The following ASTN2 variants were observed in gnomAD, a reference collection of about 807,000 sequenced individuals.
ASTN2 encodes astrotactin-2.
A neutral mutation model predicts 139.8 loss-of-function variants in ASTN2; 54 were observed. The ratio of observed to expected loss-of-function variants is 0.39; its 90% confidence interval spans 0.31 to 0.48. The LOEUF is 0.48. ASTN2 is among the 20% of genes least tolerant of loss of function. ASTN2 has a pLI of 0.95. For missense variants in ASTN2, 1,565 were observed against 1,725.1 expected, an observed-to-expected ratio of 0.91 and a Z score of 1.64; for synonymous variants, 756 against 719.5, an observed-to-expected ratio of 1.05 and a Z score of -0.81.
In ASTN2 at chr9:116,715,079, C is replaced by CA. The variant is rs1171387504; in HGVS notation, c.2806+10691dup. Among the ~76,000 whole-genome samples, 2 of 114,896 alleles carry CA rather than the reference C, an allele frequency of 1.7e-5. 1 individual carries two copies. Among genetic ancestry groups the CA allele is most frequent in the African/African-American group, 6.3e-5 (2 of 31,680 alleles). 75.4% of individuals were successfully genotyped at this position (114,896 alleles called of 152,430 possible). A position where few individuals can be genotyped will look rare whatever the true frequency, so the allele number is the denominator to read the frequency against. ...TGGGCGACAGAGCGAGACTCCGTCT[C>CA]AAAAAAAAAAAAAAAAAAAAAAAAA... is the stretch of plus-strand genomic sequence containing the variant. On this transcript the variant is annotated intron_variant, in intron 16 of 22. Transcript: ENST00000313400.
chr9:116,637,970 G>A (rs1170694939), intron 17 of ASTN2, among the ~76,000 whole-genome samples: 1 of 152,138 alleles, frequency 6.6e-6, no homozygotes, highest in Non-Finnish European at 1.5e-5. Flanking sequence ...AAAGAAGGAT[G>A]TTCTAGTAGT....
At chr9:117,350,970 T>C (rs1204948741) in intron 1 of ASTN2, among the ~76,000 whole-genome samples, 1 of 152,022 alleles carries the variant, frequency 6.6e-6, no homozygotes, top group Non-Finnish European at 1.5e-5. Context: ...TGTTGCATGG[T>C]GGATAGGTGA....
chr9:116,466,980 C>T (rs775498876), intron 20 of ASTN2, among the ~76,000 whole-genome samples: 1 of 152,090 alleles, frequency 6.6e-6, no homozygotes. Context: ...ACTATTTCTG[C>T]AGTTCTCAAT....
At chr9:116,774,857 C>T (rs1830039913) in intron 13 of ASTN2, among the ~76,000 whole-genome samples, 1 of 152,162 alleles carries the variant, frequency 6.6e-6, no homozygotes, top group Admixed American at 6.6e-5. Flanking sequence ...ACACCCTCTA[C>T]CCAGCCTCCA....
At chr9:116,509,023 C>A (rs1375198514) in intron 19 of ASTN2, among the ~76,000 whole-genome samples, 1 of 151,984 alleles carries the variant, frequency 6.6e-6, no homozygotes, top group Non-Finnish European at 1.5e-5. Flanking sequence ...ATATTTTTAA[C>A]TATAATTTAA....
In ASTN2 at chr9:116,703,010, G is replaced by A. The variant is rs545228763; in HGVS notation, c.2806+22761C>T. On this transcript the variant is annotated intron_variant, in intron 16 of 22. Transcript: ENST00000313400. ...ATGGCCTCTTAAAAGTGCAGTGTTG[G>A]GTCAAATGGTATTTCTAGTTCTAGA... 7.9e-5 allele frequency among the ~76,000 whole-genome samples: 12 copies of A among 152,152 alleles called. No individual in the cohort carries two copies. In the South Asian group the frequency reaches 2.5e-3, roughly 32 times the overall value.
At chr9:116,680,251 C>T (rs1170905604) in intron 16 of ASTN2, among the ~76,000 whole-genome samples, 13 of 152,100 alleles carry the variant, frequency 8.5e-5, no homozygotes, top group South Asian at 2.1e-4. Context: ...AACACCTCTA[C>T]GCAAATAAAC....
chr9:117,025,312 T>G (rs1179290806), intron 6 of ASTN2, among the ~76,000 whole-genome samples: 1 of 152,164 alleles, frequency 6.6e-6, no homozygotes, highest in Non-Finnish European at 1.5e-5. Flanking sequence ...AACTAGCTAC[T>G]TGGCAATATG....
intron 19 of ASTN2, among the ~76,000 whole-genome samples, chr9:116,511,626 C>G (rs1850385748): frequency 6.6e-6 from 1 of 152,136 alleles, no homozygotes; most frequent in Admixed American, 6.5e-5. Flanking sequence ...GTGAATCCGT[C>G]AGGTACTGGA....
chr9:116,586,812 T>TCACACACA lies in ASTN2; in HGVS notation c.3355+31504_3355+31511dup, dbSNP rs141414264. On this transcript the variant is annotated intron_variant, in intron 19 of 22. Coordinates refer to ENST00000313400, the MANE Select transcript of ASTN2 (RefSeq NM_001365068.1). ...AAAAATCTAAAATACCAGTTGAAAT[T>TCACACACA]CACACACACACACATACATACACAC... Among the ~76,000 whole-genome samples the TCACACACA allele has an allele frequency of 1.1e-3, 91 of 79,954 alleles. 1 individual carries two copies. Among genetic ancestry groups the TCACACACA allele is most frequent in the East Asian group, 5.3e-3 (11 of 2,076 alleles). The allele number at this position is 79,954 out of a possible 152,430, so 52.5% of individuals were successfully genotyped here. A position where few individuals can be genotyped will look rare whatever the true frequency, so the allele number is the denominator to read the frequency against.
chr9:116,851,574 A>T (rs1832609308), intron 11 of ASTN2, among the ~76,000 whole-genome samples: 1 of 152,072 alleles, frequency 6.6e-6, no homozygotes, highest in South Asian at 2.1e-4. Context: ...TGTTAGTAGT[A>T]GCTATTTGGA....
chr9:116,989,203 A>G (rs1836772620), intron 7 of ASTN2, among the ~76,000 whole-genome samples: 1 of 152,174 alleles, frequency 6.6e-6, no homozygotes, highest in South Asian at 2.1e-4. Context: ...CAATTATAGC[A>G]AAAATACTAA....
At chr9:117,144,616 G>A (rs1408728081) in intron 3 of ASTN2, among the ~76,000 whole-genome samples, 1 of 148,454 alleles carries the variant, frequency 6.7e-6, no homozygotes, top group Non-Finnish European at 1.5e-5. Context: ...CTCAGTAAGA[G>A]GAGGAACACT....
chr9:117,308,001 T>G (rs1156948832), intron 1 of ASTN2, among the ~76,000 whole-genome samples: 1 of 152,170 alleles, frequency 6.6e-6, no homozygotes, highest in African/African-American at 2.4e-5. Context: ...CCTTTCTGAT[T>G]TTGTTATGGG....
intron 22 of ASTN2, chr9:116,437,461 G>C: frequency 4.2e-6 from 2 of 471,378 alleles, no homozygotes; most frequent in Middle Eastern, 3.2e-4. Context: ...GACAGTGGCT[G>C]GTGACTGCCT....
intron 3 of ASTN2, among the ~76,000 whole-genome samples, chr9:117,179,987 G>A (rs1486459611): frequency 6.6e-6 from 1 of 152,044 alleles, no homozygotes; most frequent in Non-Finnish European, 1.5e-5. Flanking sequence ...TCCATCTAAG[G>A]GCATCCAATT....
At chr9:117,031,687 G>A (rs1838250684) in intron 6 of ASTN2, among the ~76,000 whole-genome samples, 1 of 152,122 alleles carries the variant, frequency 6.6e-6, no homozygotes, top group Non-Finnish European at 1.5e-5. Context: ...GTAAATGAGA[G>A]AAACTAGAGA....
At chr9:116,578,458 T>C (rs1853812544) in intron 19 of ASTN2, among the ~76,000 whole-genome samples, 1 of 152,178 alleles carries the variant, frequency 6.6e-6, no homozygotes, top group South Asian at 2.1e-4. Context: ...TCTAAGAACA[T>C]TTTTAATTCT....
At position 117,291,434 on chromosome 9, in the gene ASTN2, G is replaced by T; in HGVS notation, c.522C>A (p.His174Gln). The change falls in exon 2 of 23, where the codon CAC becomes CAA. Residue 174 changes from histidine to glutamine, a missense_variant. This residue lies in a region of ASTN2 where 596 missense variants were observed against 576.8 expected (regional missense o/e 1.03). Transcript: ENST00000313400. ...GCTGCCCGGAGCTGCTCATGGAGAC[G>T]TGGAAGTACAAGGTGCCATTCTCCA... Reference protein sequence around the residue: ...QWLENGTLYFHVSMSSSGQLA... With the variant: ...QWLENGTLYFQVSMSSSGQLA... 6.2e-7 allele frequency: 1 copy of T among 1,614,192 alleles called. No individual in the cohort carries two copies. Among genetic ancestry groups the T allele is most frequent in the Non-Finnish European group, 8.5e-7 (1 of 1,180,018 alleles).
Sources: allele counts gnomAD v4.1 joint callset (sites outside exome capture counted in the v4.1 genomes callset), GRCh38; gene constraint gnomAD v4.1.1; regional missense constraint gnomAD v4.1.1; transcripts MANE v1.5; gene names NCBI Gene and HGNC (gene_info 2026-07-23, HGNC 2026-07-21).